Variants in CD44 observed in about 807,000 individuals in gnomAD.
The protein encoded by CD44 is CD44 antigen.
Under a neutral mutation model 88.8 loss-of-function variants are expected in CD44, and 49 were observed. The ratio of observed to expected loss-of-function variants is 0.55; its 90% CI spans 0.44 to 0.70. The LOEUF (loss-of-function observed/expected upper bound fraction) is 0.70, where lower values mean the gene tolerates loss of function less well. Ranked by LOEUF, CD44 falls within the 30% of genes least tolerant of loss-of-function variation. The probability of loss-of-function intolerance (pLI) is 0.00; values close to 1 mark genes in which losing one functional copy is unlikely to be tolerated. For synonymous variants in CD44, 325 were observed against 312.3 expected, an observed-to-expected ratio of 1.04 and a Z score of -0.43; for missense variants, 883 against 913.8, an observed-to-expected ratio of 0.97 and a Z score of 0.43.
intron 6 of CD44, chr11:35,197,665 A>G (rs1365327504): frequency 1.3e-5 from 2 of 155,110 alleles, no homozygotes; most frequent in South Asian, 2.0e-4. Context: ...TGTGAACACA[A>G]TGAAATGACT....
At chr11:35,194,620 C>A (rs1056250899) in intron 5 of CD44, among the ~76,000 whole-genome samples, 1 of 152,172 alleles carries the variant, frequency 6.6e-6, no homozygotes, top group Non-Finnish European at 1.5e-5. Context: ...CGTCCATTAT[C>A]ACGTCAAATC....
chr11:35,223,746 C>T (rs1481822714), intron 17 of CD44, among the ~76,000 whole-genome samples: 1 of 152,180 alleles, frequency 6.6e-6, no homozygotes, highest in Non-Finnish European at 1.5e-5. Context: ...TGGTGAACAG[C>T]TGTACGGGCC....
At chr11:35,177,712 G>A (rs1394023508) in intron 2 of CD44, among the ~76,000 whole-genome samples, 2 of 152,224 alleles carry the variant, frequency 1.3e-5, no homozygotes, top group Admixed American at 1.3e-4. Context: ...CACATTATGA[G>A]TGATGGCTGA....
At chr11:35,147,696 C>A (rs1306972321) in intron 1 of CD44, among the ~76,000 whole-genome samples, 2 of 152,012 alleles carry the variant, frequency 1.3e-5, no homozygotes, top group Non-Finnish European at 2.9e-5. Flanking sequence ...ACACACCAAT[C>A]GTGGAACTAG....
chr11:35,196,674 G>A, intron 5 of CD44, 72 bp from the exon 6 acceptor site: 4 of 1,467,464 alleles, frequency 2.7e-6, no homozygotes, highest in East Asian at 4.6e-5. Context: ...AAGAGTACAA[G>A]CATATTCAAT....
chr11:35,184,519 C>T (rs1242672759), intron 3 of CD44, among the ~76,000 whole-genome samples: 1 of 152,158 alleles, frequency 6.6e-6, no homozygotes, highest in South Asian at 2.1e-4. Context: ...CTGATATTTC[C>T]AAGAGAAACA....
chr11:35,214,578 T>C (rs2295758), intron 14 of CD44: 15,241 of 333,474 alleles, frequency 0.046, 625 homozygotes, highest in African/African-American at 0.13. Context: ...CAAAACAAAG[T>C]TTCTACAAAA....
At position 35,178,398 on chromosome 11, in the gene CD44, C is replaced by A. The variant is rs962012159; in HGVS notation, c.233+1658C>A. On this transcript the variant is annotated intron_variant, in intron 2 of 17. Transcript: ENST00000428726. Reference sequence around the variant, plus strand: ...GCAGTATTGGTCAATATTATCACCTCATTTTATGGATGAAGCAGCCGAGGC... The same window carrying A: ...GCAGTATTGGTCAATATTATCACCTAATTTTATGGATGAAGCAGCCGAGGC... Among the ~76,000 whole-genome samples, 45 of 152,212 alleles carry A rather than the reference C, an allele frequency of 3.0e-4. 1 individual carries two copies. The highest frequency in any genetic ancestry group is 2.7e-3 in the Admixed American group (42 of 15,282).
At chr11:35,179,103 T>C (rs550505832) in intron 2 of CD44, among the ~76,000 whole-genome samples, 20 of 152,290 alleles carry the variant, frequency 1.3e-4, no homozygotes, top group Non-Finnish European at 2.4e-4. Flanking sequence ...GATGAGAAAT[T>C]AGTCATGCGA....
intron 3 of CD44, among the ~76,000 whole-genome samples, chr11:35,182,331 A>G (rs944037548): frequency 7.9e-5 from 12 of 152,084 alleles, no homozygotes; most frequent in Admixed American, 2.0e-4. Flanking sequence ...AGAGTTTAGG[A>G]CAAAGTATCA....
At chr11:35,200,268 A>C (rs1947186636) in intron 7 of CD44, among the ~76,000 whole-genome samples, 1 of 152,180 alleles carries the variant, frequency 6.6e-6, no homozygotes, top group South Asian at 2.1e-4. Context: ...CTTTCACAAA[A>C]CATGTTGACT....
intron 1 of CD44, among the ~76,000 whole-genome samples, chr11:35,156,669 G>T (rs1941908650): frequency 6.6e-6 from 1 of 152,170 alleles, no homozygotes; most frequent in Non-Finnish European, 1.5e-5. Flanking sequence ...GAGAAAAAAG[G>T]CTTCCCTTTC....
chr11:35,157,684 C>T (rs1431151992), intron 1 of CD44, among the ~76,000 whole-genome samples: 2 of 152,230 alleles, frequency 1.3e-5, no homozygotes, highest in Admixed American at 6.5e-5. Flanking sequence ...GTACCTGCTT[C>T]CTTGGCTGGC....
Position 35,204,647 on chromosome 11 carries a change from G to A in CD44, c.1282+7G>A. The stretch of plus-strand genomic sequence containing the variant: ...TCGACAACAGGGACAGCTGGTAATG[G>A]ATGGTTTAACAAGTAAATTTGGATG... On this transcript the variant is annotated splice_region_variant and intron_variant, in intron 10 of 17. Transcript: ENST00000428726. 1.2e-6 allele frequency: 2 copies of A among 1,612,392 alleles called. No homozygotes were observed. The highest frequency in any genetic ancestry group is 1.1e-5 in the South Asian group (1 of 91,008).
intron 10 of CD44, among the ~76,000 whole-genome samples, chr11:35,205,285 A>C (rs962628926): frequency 6.6e-6 from 1 of 152,314 alleles, no homozygotes; most frequent in Non-Finnish European, 1.5e-5. Context: ...TGTCTGTGTG[A>C]CATAAGTATT....
Position 35,210,040 on chromosome 11 carries a change from C to G in CD44, c.1592C>G (p.Thr531Ser), listed in dbSNP as rs200586417. ...EEDKDHPTTS[T>S]LTSSNRNDVT... Reference sequence around the variant, plus strand: ...GATAAAGACCATCCAACAACTTCTACTCTGACATCAAGCAGTAAGGATTAT... The same window carrying G: ...GATAAAGACCATCCAACAACTTCTAGTCTGACATCAAGCAGTAAGGATTAT... Residue 531 changes from threonine to serine, a missense_variant, in exon 13 of 18, where the codon ACT becomes AGT. Thr to Ser is a moderately conservative substitution (Grantham distance 58). This residue lies in a region of CD44 where 631 missense variants were observed against 590.9 expected (regional missense o/e 1.07). Coordinates refer to ENST00000428726, the MANE Select transcript of CD44 (RefSeq NM_000610.4). 2.6e-6 allele frequency: 4 copies of G among 1,551,592 alleles called. No individual in the cohort carries two copies. Among genetic ancestry groups the G allele is most frequent in the Non-Finnish European group, 3.5e-6 (4 of 1,154,286 alleles).
At chr11:35,201,009 A>T in intron 7 of CD44, 73 bp from the exon 8 acceptor site, 1 of 1,032,988 alleles carries the variant, frequency 9.7e-7, no homozygotes. Flanking sequence ...CAGAAGCAAG[A>T]CTATGTGCGG....
intron 1 of CD44, among the ~76,000 whole-genome samples, chr11:35,162,567 A>G (rs555926401): frequency 3.3e-5 from 5 of 152,194 alleles, no homozygotes; most frequent in Admixed American, 2.0e-4. Flanking sequence ...GTCAGAAATG[A>G]GTTCTCTGGA....
intron 17 of CD44, among the ~76,000 whole-genome samples, chr11:35,224,234 G>T (rs1949531691): frequency 6.6e-6 from 1 of 152,168 alleles, no homozygotes; most frequent in Non-Finnish European, 1.5e-5. Flanking sequence ...TGCTGGGTTG[G>T]GGGTTCTATT....
Sources: allele counts gnomAD v4.1 joint callset (sites outside exome capture counted in the v4.1 genomes callset), GRCh38; gene constraint gnomAD v4.1.1; regional missense constraint gnomAD v4.1.1; transcripts MANE v1.5; gene names NCBI Gene and HGNC (gene_info 2026-07-23, HGNC 2026-07-21).